EPHB2: variants seen among roughly 807,000 people sequenced by gnomAD.
The protein encoded by EPHB2 is EPH receptor B2, also known as ephrin type-B receptor 2.
Under a neutral mutation model 96.4 loss-of-function variants are expected in EPHB2, and 18 were observed. The ratio of observed to expected loss-of-function variants is 0.19; its 90% CI spans 0.13 to 0.28. EPHB2 has a LOEUF of 0.28. Among genes scored for constraint, EPHB2 ranks in the 10% least tolerant of loss-of-function variants. The pLI, the probability that EPHB2 is intolerant of heterozygous loss-of-function variation, is 1.00. For missense variants in EPHB2, 989 were observed against 1,355.4 expected (o/e 0.73, Z 4.25); for synonymous variants, 506 against 534.1 (o/e 0.95, Z 0.72).
At position 22,846,878 on chromosome 1, in the gene EPHB2, T is replaced by C. The variant is rs1645551095; in HGVS notation, c.812-16159T>C. Reference sequence around the variant, plus strand: ...CCCCACAGGCTTCCCCAGACATTGTTTGGAAACTGCTTACTGACCGGGGCA... The same window carrying C: ...CCCCACAGGCTTCCCCAGACATTGTCTGGAAACTGCTTACTGACCGGGGCA... On this transcript the variant is annotated intron_variant, in intron 3 of 15. Coordinates refer to ENST00000374630, the MANE Select transcript of EPHB2 (RefSeq NM_017449.5). The surrounding 1 kb of genome is among the most constrained non-coding windows in gnomAD (Gnocchi z 4.3). Among the ~76,000 whole-genome samples, 1 of 152,184 alleles carries C rather than the reference T, an allele frequency of 6.6e-6. No homozygotes were observed. Among genetic ancestry groups the C allele is most frequent in the Non-Finnish European group, 1.5e-5 (1 of 68,036 alleles).
At chr1:22,730,046 G>T (rs1009460203) in intron 1 of EPHB2, among the ~76,000 whole-genome samples, 5 of 152,252 alleles carry the variant, frequency 3.3e-5, no homozygotes, top group African/African-American at 1.2e-4. Context: ...GAAGTCTGCA[G>T]GGGCTTGGCA....
Position 22,915,812 on chromosome 1 carries a change from G to A in EPHB2, c.*2242G>A, listed in dbSNP as rs1000558594. On this transcript the variant is annotated 3_prime_UTR_variant, in exon 16 of 16. Coordinates refer to ENST00000374630, the MANE Select transcript of EPHB2 (RefSeq NM_017449.5). ...GGGAGATGGATGTGCCATGGATATC[G>A]GGTCTGGCTGAGGAAGGGGAGCCAA... 3 of 152,338 alleles carry A rather than the reference G, an allele frequency of 2.0e-5. No individual in the cohort carries two copies. The highest frequency in any genetic ancestry group is 4.8e-5 in the African/African-American group (2 of 41,464). The allele number at this position is 152,338 out of a possible 1,614,324, so 9.4% of individuals were successfully genotyped here. A position where few individuals can be genotyped will look rare whatever the true frequency, so the allele number is the denominator to read the frequency against.
intron 5 of EPHB2, among the ~76,000 whole-genome samples, chr1:22,877,703 G>C (rs1251552317): frequency 6.6e-6 from 1 of 152,178 alleles, no homozygotes; most frequent in African/African-American, 2.4e-5. Flanking sequence ...TCATATACTA[G>C]ACCAGGACTC....
intron 1 of EPHB2, among the ~76,000 whole-genome samples, chr1:22,738,710 C>T (rs1195509402): frequency 6.6e-6 from 1 of 152,324 alleles, no homozygotes; most frequent in African/African-American, 2.4e-5. Flanking sequence ...TTTACTCATT[C>T]CTTGCATTCA....
intron 3 of EPHB2, among the ~76,000 whole-genome samples, chr1:22,796,159 A>G (rs1054098459): frequency 7.2e-5 from 11 of 152,176 alleles, no homozygotes; most frequent in Non-Finnish European, 1.5e-4. Flanking sequence ...TGGACCCCAC[A>G]CTCCACCTGG....
intron 1 of EPHB2, among the ~76,000 whole-genome samples, chr1:22,754,920 G>T (rs1262894351): frequency 7.0e-6 from 1 of 142,646 alleles, no homozygotes; most frequent in Admixed American, 7.0e-5. Flanking sequence ...GAGGGGCAGG[G>T]GAGGTGAGGT....
At position 22,919,001 on chromosome 1, in the gene EPHB2, C is replaced by T. The variant is rs1276236704; in HGVS notation, c.*5431C>T. The T allele has an allele frequency of 6.6e-6, 1 of 152,222 alleles. No homozygotes were observed. Among genetic ancestry groups the T allele is most frequent in the African/African-American group, 2.4e-5 (1 of 41,462 alleles). 9.4% of individuals were successfully genotyped at this position (152,222 alleles called of 1,614,324 possible). A position where few individuals can be genotyped will look rare whatever the true frequency, so the allele number is the denominator to read the frequency against. On this transcript the variant is annotated 3_prime_UTR_variant, in exon 16 of 16. Coordinates refer to ENST00000374630, the MANE Select transcript of EPHB2 (RefSeq NM_017449.5). Reference sequence around the variant, plus strand: ...GGATTTCTCAAAATGTTTGCCATCGCCCACCTGTATCAGAATCTCCTGGGC... The same window carrying T: ...GGATTTCTCAAAATGTTTGCCATCGTCCACCTGTATCAGAATCTCCTGGGC...
rs543481060 is a variant in EPHB2, at chr1:22,838,942, CAAAACAAA to C, written c.812-24090_812-24083del. ...TGAGACTCTGTCTCAAAAATAAAAACAAAACAAAAAAAGAAAAAAAGAAAAAAAGAAAA... is the reference window on the plus strand; with the variant it reads ...TGAGACTCTGTCTCAAAAATAAAAACAAAAGAAAAAAAGAAAAAAAGAAAA... On this transcript the variant is annotated intron_variant, in intron 3 of 15. Transcript: ENST00000374630. 7.0e-3 allele frequency among the ~76,000 whole-genome samples: 1,018 copies of C among 145,316 alleles called. 6 individuals carry two copies. The highest frequency in any genetic ancestry group is 0.023 in the African/African-American group (927 of 40,426).
At chr1:22,782,614 C>T (rs1405407839) in intron 2 of EPHB2, among the ~76,000 whole-genome samples, 3 of 152,024 alleles carry the variant, frequency 2.0e-5, no homozygotes, top group Non-Finnish European at 4.4e-5. Flanking sequence ...CTGCAGGGCC[C>T]CCGGACGCAA....
At chr1:22,798,498 T>A (rs1161711448) in intron 3 of EPHB2, among the ~76,000 whole-genome samples, 1 of 151,990 alleles carries the variant, frequency 6.6e-6, no homozygotes, top group African/African-American at 2.4e-5. Context: ...TAGTTTCAGC[T>A]CCTGCTCCCT....
chr1:22,878,495 C>A (rs574438651), intron 5 of EPHB2, among the ~76,000 whole-genome samples: 5 of 152,210 alleles, frequency 3.3e-5, no homozygotes, highest in African/African-American at 1.2e-4. Context: ...CCCAGCACCC[C>A]GTATCATGTG....
chr1:22,859,950 T>C (rs1570399410), intron 3 of EPHB2, among the ~76,000 whole-genome samples: 1 of 152,158 alleles, frequency 6.6e-6, no homozygotes, highest in South Asian at 2.1e-4. Context: ...TCCCCAGCCA[T>C]TGGCAACCAC....
At chr1:22,735,700 A>G (rs1323440988) in intron 1 of EPHB2, among the ~76,000 whole-genome samples, 4 of 152,156 alleles carry the variant, frequency 2.6e-5, no homozygotes, top group Non-Finnish European at 5.9e-5. Flanking sequence ...CTGCAATTCA[A>G]GCTTGACTCA....
At chr1:22,888,414 G>A (rs890822901) in intron 6 of EPHB2, among the ~76,000 whole-genome samples, 1 of 152,174 alleles carries the variant, frequency 6.6e-6, no homozygotes, top group African/African-American at 2.4e-5. Flanking sequence ...GCTAGAGACT[G>A]TGCTAAAAAG....
chr1:22,840,315 A>C (rs1436780338), intron 3 of EPHB2, among the ~76,000 whole-genome samples: 1 of 152,234 alleles, frequency 6.6e-6, no homozygotes, highest in Non-Finnish European at 1.5e-5. Context: ...TACTCTTGAT[A>C]GATAAGCTCC....
intron 3 of EPHB2, among the ~76,000 whole-genome samples, chr1:22,837,457 G>A (rs989096342): frequency 2.6e-5 from 4 of 152,224 alleles, no homozygotes; most frequent in Admixed American, 2.0e-4. Context: ...AGTGTAGGTG[G>A]GAGAGATAAA....
intron 3 of EPHB2, among the ~76,000 whole-genome samples, chr1:22,791,477 T>C (rs1644692329): frequency 6.7e-6 from 1 of 148,966 alleles, no homozygotes; most frequent in East Asian, 2.0e-4. Flanking sequence ...CTTTCTTTTT[T>C]TTTTTTTTTT....
At chr1:22,826,062 G>A (rs899541507) in intron 3 of EPHB2, among the ~76,000 whole-genome samples, 5 of 152,158 alleles carry the variant, frequency 3.3e-5, no homozygotes, top group African/African-American at 9.7e-5. Flanking sequence ...TAACCCTGAG[G>A]GCACTGGGGA....
intron 9 of EPHB2, among the ~76,000 whole-genome samples, chr1:22,900,667 C>T (rs1475032196): frequency 6.6e-6 from 1 of 152,132 alleles, no homozygotes; most frequent in Non-Finnish European, 1.5e-5. Flanking sequence ...AATAAGGAAA[C>T]AGGTGGGGTC....
Sources: allele counts gnomAD v4.1 joint callset (sites outside exome capture counted in the v4.1 genomes callset), GRCh38; gene constraint gnomAD v4.1.1; non-coding constraint Gnocchi (gnomAD v3.1); transcripts MANE v1.5; gene names NCBI Gene and HGNC (gene_info 2026-07-23, HGNC 2026-07-21).